GP6: variants seen among roughly 807,000 people sequenced by gnomAD.
GP6 encodes platelet glycoprotein VI.
GP6 carries 45 observed loss-of-function variants against 37.3 expected under a neutral mutation model. The ratio of observed to expected loss-of-function variants is 1.21; its 90% CI spans 0.95 to 1.55. The LOEUF is 1.55. Ranked by LOEUF, GP6 falls within the 40% of genes most tolerant of loss-of-function variation. GP6 has a pLI of 0.00. For missense variants in GP6, 813 were observed against 760.2 expected, an observed-to-expected ratio of 1.07 and a Z score of -0.82; for synonymous variants, 340 against 316.4, an observed-to-expected ratio of 1.07 and a Z score of -0.79.
chr19:55,033,216 A>G (rs76164681), intron 1 of GP6, among the ~76,000 whole-genome samples: 136 of 9,830 alleles, frequency 0.014, 10 homozygotes, highest in Middle Eastern at 0.1. Context: ...TGTGTTAGAC[A>G]CGGTGGACTC....
At position 55,034,939 on chromosome 19, in the gene GP6, C is replaced by T. The variant is rs151290594; in HGVS notation, c.35-2401G>A. The stretch of plus-strand genomic sequence containing the variant: ...TCCACCCCAGGCTCCCTCTGCACCC[C>T]AACGCAAGCTCCGGCCGCTTCTCTG... On this transcript the variant is annotated intron_variant, in intron 1 of 7. Coordinates refer to ENST00000310373, the MANE Select transcript of GP6 (RefSeq NM_001083899.2). 4.9e-3 allele frequency among the ~76,000 whole-genome samples: 741 copies of T among 152,244 alleles called. 5 individuals carry two copies. The highest frequency in any genetic ancestry group is 0.014 in the Middle Eastern group (4 of 294).
rs1654412 is a variant in GP6, at chr19:55,014,228, T to G, written c.1717A>C (p.Arg573=). 1 of 834,140 alleles carries G rather than the reference T, an allele frequency of 1.2e-6. No homozygotes were observed. Among genetic ancestry groups the G allele is most frequent in the Non-Finnish European group, 2.0e-6 (1 of 488,514 alleles). 51.7% of individuals were successfully genotyped at this position (834,140 alleles called of 1,614,324 possible). A position where few individuals can be genotyped will look rare whatever the true frequency, so the allele number is the denominator to read the frequency against. The change falls in exon 8 of 8, where the codon AGG becomes CGG. Residue 573 remains arginine, a synonymous_variant. Transcript: ENST00000310373. ...AAGCCATTCTCCCACCTCAGCCCCCTGAGTTGCTGGGAGTATAGGGATGCA... is the reference window on the plus strand; with the variant it reads ...AAGCCATTCTCCCACCTCAGCCCCCGGAGTTGCTGGGAGTATAGGGATGCA...
Position 55,027,574 on chromosome 19 carries a change from C to G in GP6, c.610+4G>C, listed in dbSNP as rs766430706. On this transcript the variant is annotated splice_donor_region_variant and intron_variant, in intron 4 of 7. Coordinates refer to ENST00000310373, the MANE Select transcript of GP6 (RefSeq NM_001083899.2). ...AAGAAAGGTTTGGTCTGCACTACCC[C>G]TACCTGTGACCACAAGCTCCAGGGG... The G allele has an allele frequency of 3.0e-5, 48 of 1,611,550 alleles. No individual in the cohort carries two copies. The East Asian group carries it at 1.0e-3, about 35-fold the overall frequency.
rs1167138455 is a variant in GP6, at chr19:55,027,816, C to T, written c.372G>A (p.Val124=). 1.9e-6 allele frequency: 3 copies of T among 1,614,040 alleles called. No homozygotes were observed. The highest frequency in any genetic ancestry group is 2.2e-5 in the South Asian group (2 of 91,088). The change falls in exon 4 of 8, where the codon GTG becomes GTA. Residue 124 remains valine, a synonymous_variant. Transcript: ENST00000310373. ...GTAGGGTTACGTCCCCTCCTGACGA[C>T]ACCGCCGGGCCGGGCTGGGCTGAGA...
intron 3 of GP6, among the ~76,000 whole-genome samples, chr19:55,031,843 C>T (rs961755741): frequency 1.3e-5 from 2 of 152,052 alleles, no homozygotes; most frequent in South Asian, 2.1e-4. Flanking sequence ...CGTGGTGGTG[C>T]ACACCTGTAA....
rs375643910 is a variant in GP6, at chr19:55,014,889, C to A, written c.1056G>T (p.Arg352Ser). 6.2e-7 allele frequency: 1 copy of A among 1,613,926 alleles called. No homozygotes were observed. Among genetic ancestry groups the A allele is most frequent in the Non-Finnish European group, 8.5e-7 (1 of 1,180,022 alleles). The change falls in exon 8 of 8, where the codon AGG becomes AGT. Residue 352 changes from arginine to serine, a missense_variant. Coordinates refer to ENST00000310373, the MANE Select transcript of GP6 (RefSeq NM_001083899.2). ...GTCGCCTCCCATGCCATGATCCCTCCCTTGGATACGACCGTGCCTGGGGTT... is the reference window on the plus strand; with the variant it reads ...GTCGCCTCCCATGCCATGATCCCTCACTTGGATACGACCGTGCCTGGGGTT...
At chr19:55,017,260 G>A (rs530499661) in intron 6 of GP6, among the ~76,000 whole-genome samples, 38 of 151,964 alleles carry the variant, frequency 2.5e-4, no homozygotes, top group African/African-American at 9.2e-4. Flanking sequence ...GGAATTACAG[G>A]TGCCCACCAC....
intron 7 of GP6, 27 bp from the exon 8 acceptor site, chr19:55,015,192 A>G: frequency 1.9e-6 from 3 of 1,551,260 alleles, no homozygotes; most frequent in Non-Finnish European, 2.6e-6. Context: ...AGGCAGGAGC[A>G]GGTGAAAGAG....
intron 5 of GP6, among the ~76,000 whole-genome samples, chr19:55,021,796 C>T (rs1445289893): frequency 3.3e-5 from 5 of 152,016 alleles, no homozygotes; most frequent in East Asian, 3.9e-4. Flanking sequence ...CTGGGATTAC[C>T]GGCGTGAGCC....
At chr19:55,028,002 C>T in intron 3 of GP6, 140 bp from the exon 4 acceptor site, 2 of 827,714 alleles carry the variant, frequency 2.4e-6, no homozygotes, top group Non-Finnish European at 4.2e-6. Context: ...CACCCAAGCT[C>T]ACAGAGAGGT....
chr19:55,030,910 G>A (rs1226051797), intron 3 of GP6, among the ~76,000 whole-genome samples: 6 of 151,820 alleles, frequency 4.0e-5, no homozygotes, highest in African/African-American at 9.7e-5. Context: ...GTGCAGTGGC[G>A]TGATCACAGC....
At chr19:55,016,439 G>A (rs913412168) in intron 6 of GP6, among the ~76,000 whole-genome samples, 43 of 138,814 alleles carry the variant, frequency 3.1e-4, no homozygotes, top group African/African-American at 6.1e-4. Context: ...GCAGTGGCCC[G>A]ATGTCGGCTC....
chr19:55,028,783 G>A (rs1405535893), intron 3 of GP6, among the ~76,000 whole-genome samples: 6 of 152,208 alleles, frequency 3.9e-5, no homozygotes, highest in Non-Finnish European at 7.3e-5. Context: ...CTACTCTGAT[G>A]TGAGGTTGTT....
chr19:55,014,438 GA>G lies in GP6; in HGVS notation c.1506del (p.Leu503SerfsTer22). Reference sequence around the variant, plus strand: ...AGACCCGTTCTGAGAGACGAAAGGAGATTTGTTAGACCGCAGTGGGAGATGG... The same window carrying G: ...AGACCCGTTCTGAGAGACGAAAGGAGTTTGTTAGACCGCAGTGGGAGATGG... On this transcript the variant is annotated frameshift_variant, in exon 8 of 8. Coordinates refer to ENST00000310373, the MANE Select transcript of GP6 (RefSeq NM_001083899.2). LOFTEE classifies it low-confidence loss of function (END_TRUNC). 9.3e-6 allele frequency: 15 copies of G among 1,613,610 alleles called. No homozygotes were observed. Among genetic ancestry groups the G allele is most frequent in the Non-Finnish European group, 1.3e-5 (15 of 1,179,480 alleles).
At chr19:55,036,469 T>G (rs1440978737) in intron 1 of GP6, among the ~76,000 whole-genome samples, 1 of 150,098 alleles carries the variant, frequency 6.7e-6, no homozygotes, top group East Asian at 2.0e-4. Flanking sequence ...GAGGCCGAGG[T>G]GGGTGGATCG....
At position 55,032,031 on chromosome 19, in the gene GP6, G is replaced by A; in HGVS notation, c.325+108C>T. On this transcript the variant is annotated intron_variant, in intron 3 of 7. Coordinates refer to ENST00000310373, the MANE Select transcript of GP6 (RefSeq NM_001083899.2). ...AATGTCGTGGCACCACCACCCGCTAGGCCAGTGCCTCGTTTGCCTCACCCT... is the reference window on the plus strand; with the variant it reads ...AATGTCGTGGCACCACCACCCGCTAAGCCAGTGCCTCGTTTGCCTCACCCT... 2.8e-6 allele frequency: 3 copies of A among 1,081,898 alleles called. No individual in the cohort carries two copies. The Middle Eastern group carries it at 8.7e-4, about 312-fold the overall frequency. The allele number at this position is 1,081,898 out of a possible 1,614,324, so 67.0% of individuals were successfully genotyped here.
intron 1 of GP6, among the ~76,000 whole-genome samples, chr19:55,033,686 T>G (rs1246037272): frequency 6.6e-6 from 1 of 152,198 alleles, no homozygotes. Flanking sequence ...AGTATGCAAT[T>G]GTATAGACAA....
chr19:55,014,286 G>C lies in GP6; in HGVS notation c.1659C>G (p.Asn553Lys), dbSNP rs772313424. ...ACCTGGCTAATTTTTGTGTTTTTTT[G>C]TTTTGTTGGTAGAGATGAGGTTTCA... Residue 553 changes from asparagine to lysine, a missense_variant, in exon 8 of 8, where the codon AAC becomes AAG. Asn to Lys is a moderately conservative substitution (Grantham distance 94). Transcript: ENST00000310373. The C allele has an allele frequency of 3.6e-6, 5 of 1,405,624 alleles. No homozygotes were observed. The allele number at this position is 1,405,624 out of a possible 1,614,324, so 87.1% of individuals were successfully genotyped here. A position where few individuals can be genotyped will look rare whatever the true frequency, so the allele number is the denominator to read the frequency against.
At position 55,032,399 on chromosome 19, in the gene GP6, G is replaced by C; in HGVS notation, c.68-3C>G. The C allele has an allele frequency of 1.2e-6, 2 of 1,612,572 alleles. No individual in the cohort carries two copies. Among genetic ancestry groups the C allele is most frequent in the Non-Finnish European group, 1.7e-6 (2 of 1,179,344 alleles). Reference sequence around the variant, plus strand: ...GAGGGAGGGCTTGGGGAGCGGTCCTGGAAGAGGAGCAGGGCTGGGTCAGCC... The same window carrying C: ...GAGGGAGGGCTTGGGGAGCGGTCCTCGAAGAGGAGCAGGGCTGGGTCAGCC... On this transcript the variant is annotated splice_region_variant and splice_polypyrimidine_tract_variant and intron_variant, in intron 2 of 7. Transcript: ENST00000310373.
Sources: allele counts gnomAD v4.1 joint callset (sites outside exome capture counted in the v4.1 genomes callset), GRCh38; gene constraint gnomAD v4.1.1; transcripts MANE v1.5; gene names NCBI Gene and HGNC (gene_info 2026-07-23, HGNC 2026-07-21).